Variants in NDST4 observed in about 807,000 individuals in gnomAD.
The protein encoded by NDST4 is N-heparan sulfate sulfotransferase 4.
NDST4 carries 63 observed loss-of-function variants against 100.8 expected under a neutral mutation model. The observed-to-expected ratio is 0.62, with a 90% CI of 0.51 to 0.77. The LOEUF (loss-of-function observed/expected upper bound fraction) is 0.77, where lower values mean the gene tolerates loss of function less well. NDST4 is among the 30% of genes least tolerant of loss of function. The pLI is 0.00. For missense variants in NDST4, 943 were observed against 1,018.4 expected (o/e 0.93, Z 1.01); for synonymous variants, 377 against 361.8 (o/e 1.04, Z -0.48).
At chr4:114,848,674 C>T (rs2126187367) in intron 8 of NDST4, among the ~76,000 whole-genome samples, 1 of 152,312 alleles carries the variant, frequency 6.6e-6, no homozygotes, top group African/African-American at 2.4e-5. Context: ...GGGCAAGGGT[C>T]CTTCTGGCTC....
At chr4:114,982,799 C>A (rs958599261) in intron 2 of NDST4, among the ~76,000 whole-genome samples, 1 of 152,146 alleles carries the variant, frequency 6.6e-6, no homozygotes, top group Non-Finnish European at 1.5e-5. Context: ...GCAGCCCCTC[C>A]CATCACAGGC....
chr4:115,035,270 T>C (rs901645562), intron 2 of NDST4, among the ~76,000 whole-genome samples: 7 of 152,128 alleles, frequency 4.6e-5, no homozygotes, highest in Admixed American at 3.3e-4. Context: ...ACAATAAGAA[T>C]ATGCAAATAA....
intron 4 of NDST4, among the ~76,000 whole-genome samples, chr4:114,949,650 G>A (rs549270048): frequency 1.4e-3 from 217 of 152,112 alleles, no homozygotes; most frequent in African/African-American, 4.9e-3. Context: ...GAAGGGCAGA[G>A]CCCCAGCAAT....
intron 2 of NDST4, among the ~76,000 whole-genome samples, chr4:115,022,749 C>A (rs1727886276): frequency 6.6e-6 from 1 of 152,070 alleles, no homozygotes; most frequent in Non-Finnish European, 1.5e-5. Context: ...GAGGGCGGGT[C>A]TTTCCTGTGC....
chr4:114,991,366 G>A (rs1212362714), intron 2 of NDST4, among the ~76,000 whole-genome samples: 2 of 152,212 alleles, frequency 1.3e-5, no homozygotes, highest in Non-Finnish European at 2.9e-5. Context: ...TTTGCATGAC[G>A]AATGAGTTAT....
At chr4:115,081,648 A>T (rs1372111707) in intron 1 of NDST4, among the ~76,000 whole-genome samples, 1 of 152,220 alleles carries the variant, frequency 6.6e-6, no homozygotes, top group East Asian at 1.9e-4. Context: ...TAACGAAGAC[A>T]TTAAAATGCT....
intron 1 of NDST4, among the ~76,000 whole-genome samples, chr4:115,090,930 A>G (rs1240477662): frequency 6.6e-6 from 1 of 152,160 alleles, no homozygotes; most frequent in East Asian, 1.9e-4. Context: ...ATTGTAATGA[A>G]CAGCCATTTT....
intron 2 of NDST4, among the ~76,000 whole-genome samples, chr4:115,072,967 T>C (rs936392931): frequency 3.9e-5 from 6 of 151,944 alleles, no homozygotes; most frequent in Non-Finnish European, 8.8e-5. Flanking sequence ...CAAACTCAAG[T>C]ATCTCATAGT....
In NDST4 at chr4:114,977,290, A is replaced by G. The variant is rs376871829; in HGVS notation, c.979-16T>C. The G allele has an allele frequency of 5.2e-6, 8 of 1,537,658 alleles. No individual in the cohort carries two copies. The highest frequency in any genetic ancestry group is 7.1e-6 in the Non-Finnish European group (8 of 1,121,294). On this transcript the variant is annotated splice_polypyrimidine_tract_variant and intron_variant, in intron 2 of 13. Coordinates refer to ENST00000264363, the MANE Select transcript of NDST4 (RefSeq NM_022569.3). Reference sequence around the variant, plus strand: ...CTAGTAATGCCTGAAATAAATAAGAAATTAACATGATTTTAGAAAAATAAA... The same window carrying G: ...CTAGTAATGCCTGAAATAAATAAGAGATTAACATGATTTTAGAAAAATAAA...
intron 2 of NDST4, among the ~76,000 whole-genome samples, chr4:115,050,470 T>G (rs997266815): frequency 8.6e-5 from 13 of 151,970 alleles, no homozygotes; most frequent in African/African-American, 2.9e-4. Context: ...AGATTGTTGG[T>G]TTTTAATGGA....
intron 7 of NDST4, among the ~76,000 whole-genome samples, chr4:114,866,899 T>G (rs1724038094): frequency 6.6e-6 from 1 of 152,218 alleles, no homozygotes; most frequent in African/African-American, 2.4e-5. Context: ...CTGAACATAC[T>G]GTCAGATCCT....
At position 114,845,548 on chromosome 4, in the gene NDST4, T is replaced by A. The variant is rs977070045; in HGVS notation, c.2115+275A>T. 2.0e-5 allele frequency among the ~76,000 whole-genome samples: 3 copies of A among 152,236 alleles called. No homozygotes were observed. The South Asian group carries it at 6.2e-4, about 31-fold the overall frequency. On this transcript the variant is annotated intron_variant, in intron 10 of 13. Transcript: ENST00000264363. ...TTTAAATTTGTTAATTTTTGATAAA[T>A]CAACATTCTACATGTTTATATAGCT... is the stretch of plus-strand genomic sequence containing the variant.
intron 2 of NDST4, among the ~76,000 whole-genome samples, chr4:115,066,145 T>C (rs1481529651): frequency 2.0e-5 from 3 of 152,228 alleles, no homozygotes; most frequent in Non-Finnish European, 4.4e-5. Flanking sequence ...CTGTCTCTAC[T>C]ACTGAAATCA....
chr4:114,866,023 T>G (rs886854473), intron 7 of NDST4, among the ~76,000 whole-genome samples: 1 of 152,216 alleles, frequency 6.6e-6, no homozygotes, highest in Non-Finnish European at 1.5e-5. Context: ...AAGATAATAA[T>G]GAAATCTGTC....
At chr4:114,859,519 T>G (rs890102145) in intron 7 of NDST4, among the ~76,000 whole-genome samples, 1 of 152,126 alleles carries the variant, frequency 6.6e-6, no homozygotes, top group African/African-American at 2.4e-5. Context: ...GAAGCTCTTT[T>G]CTCCACTGAA....
chr4:115,035,840 C>A (rs1302748180), intron 2 of NDST4, among the ~76,000 whole-genome samples: 1 of 151,834 alleles, frequency 6.6e-6, no homozygotes, highest in Non-Finnish European at 1.5e-5. Flanking sequence ...TGGCTGCATA[C>A]CAAGGATGTT....
rs184206641 is a variant in NDST4 at position 114,852,801 on chromosome 4, T to C, written c.1740A>G (p.Arg580=). Residue 580 remains arginine, a synonymous_variant, in exon 8 of 14, where the codon CGA becomes CGG. Coordinates refer to ENST00000264363, the MANE Select transcript of NDST4 (RefSeq NM_022569.3). ...PLWQNPCDDK[R]HKDIWSREKT... ...TCTCTCTGGACCAGATGTCTTTGTG[T>C]CGTTTATCATCACATGGATTCTGCA... 14 of 1,612,088 alleles carry C rather than the reference T, an allele frequency of 8.7e-6. No individual in the cohort carries two copies. In the African/African-American group the frequency reaches 1.3e-4, roughly 15 times the overall value.
chr4:114,870,187 G>A (rs1174444245), intron 7 of NDST4, among the ~76,000 whole-genome samples: 1 of 152,128 alleles, frequency 6.6e-6, no homozygotes, highest in Non-Finnish European at 1.5e-5. Context: ...ACATGAAGTT[G>A]AATTATTAGT....
Position 114,944,542 on chromosome 4 carries a change from C to T in NDST4, c.1222-7039G>A, listed in dbSNP as rs962073540. ...AAATCCTCTGCAATTGTCATTATCA[C>T]CTCTAATCTTCTGGCATCTGATGTG... is the stretch of plus-strand genomic sequence containing the variant. On this transcript the variant is annotated intron_variant, in intron 4 of 13. Transcript: ENST00000264363. Among the ~76,000 whole-genome samples the T allele has an allele frequency of 3.3e-5, 5 of 152,272 alleles. 1 individual carries two copies. The highest frequency in any genetic ancestry group is 4.1e-4 in the South Asian group (2 of 4,824).
Sources: allele counts gnomAD v4.1 joint callset (sites outside exome capture counted in the v4.1 genomes callset), GRCh38; gene constraint gnomAD v4.1.1; transcripts MANE v1.5; gene names NCBI Gene and HGNC (gene_info 2026-07-23, HGNC 2026-07-21).